Variants in COL20A1 observed in about 807,000 individuals in gnomAD.
COL20A1 encodes the protein collagen alpha-1(XX) chain.
In COL20A1, 164 loss-of-function variants were observed where a neutral mutation model predicts 152.9. The ratio of observed to expected loss-of-function variants is 1.07; its 90% CI spans 0.94 to 1.22. COL20A1 has a LOEUF of 1.22. Among genes scored for constraint, COL20A1 ranks in the 50% most tolerant of loss-of-function variants. COL20A1 has a pLI of 0.00. For missense variants in COL20A1, 1,873 were observed against 1,744.8 expected (o/e 1.07, Z -1.31); for synonymous variants, 864 against 756.0 (o/e 1.14, Z -2.34).
rs1207671992 is a variant in COL20A1, at chr20:63,319,732, C to A, written c.2916+136C>A. ...CTTGGGAGGGAACATTGACCTGGGG[C>A]TCTGTTCCTCTACCCCAGCTCTTCC... On this transcript the variant is annotated intron_variant, in intron 23 of 35. Coordinates refer to ENST00000358894, the MANE Select transcript of COL20A1 (RefSeq NM_020882.4). The surrounding 1 kb of genome is among the most constrained non-coding windows in gnomAD (Gnocchi z 4.4). The A allele has an allele frequency of 1.6e-6, 1 of 636,420 alleles. No individual in the cohort carries two copies. The highest frequency in any genetic ancestry group is 1.8e-5 in the African/African-American group (1 of 54,838). The allele number at this position is 636,420 out of a possible 1,614,324, so 39.4% of individuals were successfully genotyped here.
At position 63,325,654 on chromosome 20, in the gene COL20A1, C is replaced by T. The variant is rs769925239; in HGVS notation, c.3349-14C>T. On this transcript the variant is annotated splice_polypyrimidine_tract_variant and intron_variant, in intron 28 of 35. Transcript: ENST00000358894. ...CCTGGCCCCTGCCTGGCCGGCCCCT[C>T]TGTTCTCTCCCAGGGCCACCCCGGC... 1 of 1,605,210 alleles carries T rather than the reference C, an allele frequency of 6.2e-7. No homozygotes were observed. The highest frequency in any genetic ancestry group is 2.2e-5 in the East Asian group (1 of 44,670).
At chr20:63,298,258 T>C (rs778370736) in intron 3 of COL20A1, among the ~76,000 whole-genome samples, 94 of 152,228 alleles carry the variant, frequency 6.2e-4, no homozygotes, top group Non-Finnish European at 1.9e-4. Flanking sequence ...AGGCATTCAG[T>C]ACATACTTTT....
In COL20A1 at chr20:63,328,397, A is replaced by G. The variant is rs762147638; in HGVS notation, c.3680A>G (p.Lys1227Arg). 6.2e-7 allele frequency: 1 copy of G among 1,612,660 alleles called. No homozygotes were observed. The change falls in exon 34 of 36, where the codon AAG (lysine) becomes AGG (arginine). Residue 1227 changes from lysine (K) to arginine (R), a missense_variant. Physicochemically the swap from Lys to Arg is conservative, Grantham distance 26. Coordinates refer to ENST00000358894, the MANE Select transcript of COL20A1 (RefSeq NM_020882.4). Reference sequence around the variant, plus strand: ...CCCCCCATGCCCATCTTGGAGCAGAAGCTGGAGCCGGGCACTGAGCCCCTG... The same window carrying G: ...CCCCCCATGCCCATCTTGGAGCAGAGGCTGGAGCCGGGCACTGAGCCCCTG... ...TRPPMPILEQ[K>R]LEPGTEPLGS...
At position 63,305,853 on chromosome 20, in the gene COL20A1, C is replaced by G. The variant is rs759752450; in HGVS notation, c.338-28C>G. 2 of 1,611,706 alleles carry G rather than the reference C, an allele frequency of 1.2e-6. No homozygotes were observed. The highest frequency in any genetic ancestry group is 1.3e-5 in the African/African-American group (1 of 74,910). On this transcript the variant is annotated intron_variant, in intron 4 of 35. Coordinates refer to ENST00000358894, the MANE Select transcript of COL20A1 (RefSeq NM_020882.4). The surrounding 1 kb of genome is among the most constrained non-coding windows in gnomAD (Gnocchi z 4.9). The stretch of plus-strand genomic sequence containing the variant: ...AGTGGACCAGGCCCTCCACTCCCAC[C>G]CTGATGGCTCTTTGTGTCTCCCTGC...
chr20:63,312,142 A>G (rs1480043390), intron 14 of COL20A1, 87 bp downstream of exon 14: 1 of 1,416,018 alleles, frequency 7.1e-7, no homozygotes, highest in Non-Finnish European at 9.4e-7. Flanking sequence ...CAACCATCAG[A>G]TAACACATTC....
In COL20A1 at chr20:63,320,119, G is replaced by T. The variant is rs767931023; in HGVS notation, c.2997G>T (p.Met999Ile). The change falls in exon 24 of 36, where the codon ATG becomes ATT. Residue 999 changes from methionine (M) to isoleucine (I), a missense_variant. Coordinates refer to ENST00000358894, the MANE Select transcript of COL20A1 (RefSeq NM_020882.4). ...RKVAERPLGE[M>I]GSPPAAGFVT... The stretch of plus-strand genomic sequence containing the variant: ...TGGCTGAGCGGCCCCTTGGGGAGAT[G>T]GGCAGCCCACCCGCTGCGGGCTTCG... The T allele has an allele frequency of 6.9e-5, 107 of 1,550,654 alleles. No individual in the cohort carries two copies. The highest frequency in any genetic ancestry group is 6.7e-4 in the Middle Eastern group (4 of 5,940).
chr20:63,315,841 G>C (rs2068077226), intron 20 of COL20A1, among the ~76,000 whole-genome samples: 1 of 152,230 alleles, frequency 6.6e-6, no homozygotes, highest in Non-Finnish European at 1.5e-5. Flanking sequence ...GGCAGGGACT[G>C]CCTACTTGAA....
rs144120778 is a variant in COL20A1 at position 63,311,070 on chromosome 20, C to T, written c.1394-324C>T. ...ACCTTCTGTCTCTGGATGTGCCTGT[C>T]CCAGACGTTTCCTGCAGGTGGAATC... On this transcript the variant is annotated intron_variant, in intron 11 of 35. Coordinates refer to ENST00000358894, the MANE Select transcript of COL20A1 (RefSeq NM_020882.4). The surrounding 1 kb of genome is among the most constrained non-coding windows in gnomAD (Gnocchi z 4.4). Among the ~76,000 whole-genome samples, 2,110 of 151,948 alleles carry T rather than the reference C, an allele frequency of 0.014. 46 individuals are homozygous for T. Among genetic ancestry groups the T allele is most frequent in the African/African-American group, 0.048 (1,979 of 41,388 alleles).
chr20:63,318,058 T>C (rs1365853285), intron 21 of COL20A1, among the ~76,000 whole-genome samples: 1 of 152,150 alleles, frequency 6.6e-6, no homozygotes, highest in African/African-American at 2.4e-5. Flanking sequence ...GGTGGCTGTT[T>C]CCATGAGTCC....
At chr20:63,307,739 A>G in intron 6 of COL20A1, 91 bp downstream of exon 6, 1 of 1,427,808 alleles carries the variant, frequency 7.0e-7, no homozygotes, top group Non-Finnish European at 9.5e-7. Context: ...GGGTCCCCGT[A>G]CCAGCCAGGG....
chr20:63,314,205 A>T lies in COL20A1; in HGVS notation c.2488+4A>T, dbSNP rs769245638. 9.0e-6 allele frequency: 14 copies of T among 1,555,096 alleles called. No homozygotes were observed. The highest frequency in any genetic ancestry group is 1.2e-5 in the Non-Finnish European group (14 of 1,149,428). ...GTGTCTGCCACGGGCCAGACAGGTG[A>T]GTGGGCACCAAGACCCCAGACCCAG... On this transcript the variant is annotated splice_donor_region_variant and intron_variant, in intron 19 of 35. Coordinates refer to ENST00000358894, the MANE Select transcript of COL20A1 (RefSeq NM_020882.4).
At position 63,307,569 on chromosome 20, in the gene COL20A1, C is replaced by G; in HGVS notation, c.576C>G (p.His192Gln). The G allele has an allele frequency of 6.2e-7, 1 of 1,612,700 alleles. No homozygotes were observed. The highest frequency in any genetic ancestry group is 8.5e-7 in the Non-Finnish European group (1 of 1,179,742). ...TGGACGGGTCCTGGAGCATTGGCCACAGTCACTTCCAGCAGGTCAAGGACT... is the reference window on the plus strand; with the variant it reads ...TGGACGGGTCCTGGAGCATTGGCCAGAGTCACTTCCAGCAGGTCAAGGACT... ...FLVDGSWSIG[H>Q]SHFQQVKDFL... The change falls in exon 6 of 36, where the codon CAC (histidine) becomes CAG (glutamine). Residue 192 changes from histidine (H) to glutamine (Q), a missense_variant. Transcript: ENST00000358894.
In COL20A1 at chr20:63,319,140, T is replaced by C. The variant is rs1171291636; in HGVS notation, c.2746T>C (p.Phe916Leu). The C allele has an allele frequency of 6.2e-7, 1 of 1,612,066 alleles. No homozygotes were observed. The highest frequency in any genetic ancestry group is 8.5e-7 in the Non-Finnish European group (1 of 1,179,652). ...RLLPETPREA[F>L]ALWQMTAEDF... ...ACTTCCCGAGACACCCCGTGAGGCC[T>C]TCGCGCTGTGGCAGATGACAGCCGA... Residue 916 changes from phenylalanine to leucine, a missense_variant, in exon 22 of 36, where the codon TTC (phenylalanine) becomes CTC (leucine). Coordinates refer to ENST00000358894, the MANE Select transcript of COL20A1 (RefSeq NM_020882.4). This position sits in a 1 kb window ranked among gnomAD's most constrained non-coding sequence, Gnocchi z 4.4.
intron 3 of COL20A1, among the ~76,000 whole-genome samples, chr20:63,302,355 C>G (rs1232963662): frequency 6.6e-6 from 1 of 152,140 alleles, no homozygotes; most frequent in Non-Finnish European, 1.5e-5. Flanking sequence ...GAATCTCACT[C>G]TGTCACTCAG....
Position 63,326,754 on chromosome 20 carries a change from G to C in COL20A1, c.3459G>C (p.Gly1153=). Residue 1153 remains glycine, a splice_region_variant and synonymous_variant, in exon 31 of 36, where the codon GGG becomes GGC. Coordinates refer to ENST00000358894, the MANE Select transcript of COL20A1 (RefSeq NM_020882.4). ...CCCTGACTTCTGTGTCTATGCAGGG[G>C]TTCCAGGGCATGGCAGGGGCCAGGG... ...AGLPGPPGPR[G]FQGMAGARGT... is the part of the protein sequence containing the mutation. 6.8e-7 allele frequency: 1 copy of C among 1,466,338 alleles called. No individual in the cohort carries two copies. The highest frequency in any genetic ancestry group is 9.0e-7 in the Non-Finnish European group (1 of 1,115,586). 90.8% of individuals were successfully genotyped at this position (1,466,338 alleles called of 1,614,324 possible). A position where few individuals can be genotyped will look rare whatever the true frequency, so the allele number is the denominator to read the frequency against.
In COL20A1 at chr20:63,332,002, G is replaced by C. The variant is rs1450235386; in HGVS notation, c.*1286G>C. 6.6e-6 allele frequency: 1 copy of C among 152,630 alleles called. No individual in the cohort carries two copies. The highest frequency in any genetic ancestry group is 2.4e-5 in the African/African-American group (1 of 41,450). 9.5% of individuals were successfully genotyped at this position (152,630 alleles called of 1,614,324 possible). On this transcript the variant is annotated 3_prime_UTR_variant, in exon 36 of 36. Transcript: ENST00000358894. ...CATAGGCAGGGTCAGCAGGATGGGAGAGAGCGCCTGCACCCACAGGAGCCA... is the reference window on the plus strand; with the variant it reads ...CATAGGCAGGGTCAGCAGGATGGGACAGAGCGCCTGCACCCACAGGAGCCA...
chr20:63,294,945 T>G (rs2067767407), intron 1 of COL20A1, 153 bp from the exon 2 acceptor site: 1 of 584,306 alleles, frequency 1.7e-6, no homozygotes, highest in Non-Finnish European at 3.0e-6. Flanking sequence ...GACAACAGGT[T>G]GCAGGCCTCT....
At position 63,307,663 on chromosome 20, in the gene COL20A1, G is replaced by A. The variant is rs1222889825; in HGVS notation, c.655+15G>A. The A allele has an allele frequency of 2.1e-5, 34 of 1,606,494 alleles. No individual in the cohort carries two copies. The highest frequency in any genetic ancestry group is 2.7e-5 in the Non-Finnish European group (32 of 1,175,806). The stretch of plus-strand genomic sequence containing the variant: ...GGTCCAAGTAGGTGGGTGCTGGCCC[G>A]GCCCGCCTCCTGCCCCACCCGGGTG... On this transcript the variant is annotated intron_variant, in intron 6 of 35. Transcript: ENST00000358894.
intron 14 of COL20A1, 129 bp downstream of exon 14, chr20:63,312,184 G>C: frequency 1.6e-6 from 2 of 1,233,886 alleles, no homozygotes; most frequent in Non-Finnish European, 2.2e-6. Context: ...CACAGCGGGG[G>C]CACCTGGTGT....
Sources: gnomAD v4.1 joint callset for allele counts (sites outside exome capture counted in the v4.1 genomes callset) on GRCh38, gnomAD v4.1.1 for gene constraint, Gnocchi (gnomAD v3.1) non-coding constraint, MANE v1.5 for transcripts, NCBI Gene and HGNC (gene_info 2026-07-23, HGNC 2026-07-21) for gene names.